Variants in ARVCF observed in about 807,000 individuals in gnomAD.
ARVCF encodes splicing regulator ARVCF.
In ARVCF, 66 loss-of-function variants were observed where a neutral mutation model predicts 90.9. The observed-to-expected ratio is 0.73, with a 90% CI of 0.60 to 0.89. ARVCF has a LOEUF of 0.89. Among genes scored for constraint, ARVCF ranks in the 40% least tolerant of loss-of-function variants. The pLI, the probability that ARVCF is intolerant of heterozygous loss-of-function variation, is 0.00. For synonymous variants in ARVCF, 653 were observed against 603.4 expected, an observed-to-expected ratio of 1.08 and a Z score of -1.21; for missense variants, 1,469 against 1,382.3, an observed-to-expected ratio of 1.06 and a Z score of -1.00.
At chr22:20,012,087 C>G (rs1474362109) in intron 1 of ARVCF, among the ~76,000 whole-genome samples, 14 of 143,406 alleles carry the variant, frequency 9.8e-5, no homozygotes, top group Non-Finnish European at 1.6e-4. Context: ...AGTCCCCCCC[C>G]CCCACCCAGT....
At chr22:19,972,699 GT>G in intron 16 of ARVCF, 37 bp downstream of exon 16, 7 of 1,558,342 alleles carry the variant, frequency 4.5e-6, no homozygotes, top group Non-Finnish European at 6.1e-6. Context: ...GGCAGCTGGG[GT>G]CGCCACCCTC....
In ARVCF at chr22:19,973,040, T is replaced by C. The variant is rs766933695; in HGVS notation, c.2439-4A>G. On this transcript the variant is annotated splice_polypyrimidine_tract_variant and splice_region_variant and intron_variant, in intron 14 of 19. Transcript: ENST00000263207. ...CTTCGCTTCGCGTACCGATTGGCTG[T>C]GGGGCCGGGGGCGGGGTCAGTGGTG... The C allele has an allele frequency of 3.1e-6, 5 of 1,611,702 alleles. No individual in the cohort carries two copies. Among genetic ancestry groups the C allele is most frequent in the Admixed American group, 1.7e-5 (1 of 59,968 alleles).
rs539819517 is a variant in ARVCF at position 20,001,264 on chromosome 22, CAT to C, written c.-19+9189_-19+9190del. Among the ~76,000 whole-genome samples, 612 of 152,328 alleles carry C rather than the reference CAT, an allele frequency of 4.0e-3. 5 individuals carry two copies. The highest frequency in any genetic ancestry group is 0.014 in the African/African-American group (581 of 41,566). ...GCAGGACCCCCTGCCTCTGATCCCACATGAGGTTCCTCTGAGACAGGTGGGAG... is the reference window on the plus strand; with the variant it reads ...GCAGGACCCCCTGCCTCTGATCCCACGAGGTTCCTCTGAGACAGGTGGGAG... On this transcript the variant is annotated intron_variant, in intron 2 of 19. Coordinates refer to ENST00000263207, the MANE Select transcript of ARVCF (RefSeq NM_001670.3).
intron 2 of ARVCF, among the ~76,000 whole-genome samples, chr22:20,007,777 C>A (rs1293376781): frequency 6.6e-6 from 1 of 152,244 alleles, no homozygotes; most frequent in Non-Finnish European, 1.5e-5. Context: ...CCAGATGTGG[C>A]CCCTCAATCC....
At chr22:19,974,359 T>C in intron 11 of ARVCF, 120 bp from the exon 12 acceptor site, 1 of 1,249,058 alleles carries the variant, frequency 8.0e-7, no homozygotes, top group Non-Finnish European at 1.1e-6. Flanking sequence ...GGGATGGGTG[T>C]GGATGAGTCA....
At chr22:19,974,657 G>A (rs1309565867) in intron 11 of ARVCF, among the ~76,000 whole-genome samples, 1 of 151,852 alleles carries the variant, frequency 6.6e-6, no homozygotes, top group Non-Finnish European at 1.5e-5. Context: ...TATAACCAAG[G>A]CCACACCCCT....
At chr22:19,996,086 G>C (rs1363752185) in intron 2 of ARVCF, among the ~76,000 whole-genome samples, 5 of 152,168 alleles carry the variant, frequency 3.3e-5, no homozygotes, top group Non-Finnish European at 5.9e-5. Flanking sequence ...CCCACTGGCC[G>C]GGCACTGTAC....
intron 3 of ARVCF, among the ~76,000 whole-genome samples, chr22:19,984,156 G>A (rs1241961885): frequency 1.3e-5 from 2 of 152,166 alleles, no homozygotes; most frequent in Non-Finnish European, 2.9e-5. Context: ...GTGGGATGTA[G>A]CCCCTCATAT....
chr22:19,994,438 G>A (rs1217933494), intron 2 of ARVCF, among the ~76,000 whole-genome samples: 2 of 125,522 alleles, frequency 1.6e-5, no homozygotes, highest in Non-Finnish European at 1.7e-5. Flanking sequence ...GGATAGTGGA[G>A]GAAGAACATA....
In ARVCF at chr22:19,980,261, C is replaced by T. The variant is rs373422659; in HGVS notation, c.897-19G>A. 1.4e-4 allele frequency: 206 copies of T among 1,499,374 alleles called. No individual in the cohort carries two copies. Among genetic ancestry groups the T allele is most frequent in the African/African-American group, 9.5e-4 (68 of 71,362 alleles). 92.9% of individuals were successfully genotyped at this position (1,499,374 alleles called of 1,614,324 possible). On this transcript the variant is annotated intron_variant, in intron 5 of 19. Transcript: ENST00000263207. The stretch of plus-strand genomic sequence containing the variant: ...GTAGGCCCTGCACAGGCAAGTGGGG[C>T]GCGTGGACATCGTCACAGCAGCCGC...
rs1944787491 is a variant in ARVCF at position 20,010,512 on chromosome 22, C to G, written c.-72-4G>C. The G allele has an allele frequency of 6.6e-6, 1 of 152,230 alleles. No individual in the cohort carries two copies. The highest frequency in any genetic ancestry group is 6.5e-5 in the Admixed American group (1 of 15,284). 9.4% of individuals were successfully genotyped at this position (152,230 alleles called of 1,614,324 possible). A position where few individuals can be genotyped will look rare whatever the true frequency, so the allele number is the denominator to read the frequency against. The stretch of plus-strand genomic sequence containing the variant: ...CCCACCCTGCAGGCTCTGGCTCCTG[C>G]AGGGAAACCAGAGGGCATGAGTGAG... On this transcript the variant is annotated splice_region_variant and splice_polypyrimidine_tract_variant and intron_variant, in intron 1 of 19. Transcript: ENST00000263207.
intron 2 of ARVCF, among the ~76,000 whole-genome samples, chr22:20,001,150 G>C (rs1282138424): frequency 2.0e-5 from 3 of 152,114 alleles, no homozygotes; most frequent in Non-Finnish European, 4.4e-5. Context: ...ATGCTAGGCA[G>C]ACTCCATTCC....
chr22:20,012,138 T>C (rs1439980525), intron 1 of ARVCF, among the ~76,000 whole-genome samples: 2 of 122,226 alleles, frequency 1.6e-5, no homozygotes, highest in Non-Finnish European at 3.2e-5. Context: ...TCCTTCCTCA[T>C]GGGCCTCCTA....
At chr22:20,006,412 C>T (rs1355448300) in intron 2 of ARVCF, among the ~76,000 whole-genome samples, 1 of 151,636 alleles carries the variant, frequency 6.6e-6, no homozygotes, top group Non-Finnish European at 1.5e-5. Context: ...CCCGTCTCTA[C>T]TAAAAGTACA....
In ARVCF at chr22:19,972,826, G is replaced by T; in HGVS notation, c.2552C>A (p.Ser851Ter). Reference protein sequence around the residue: ...KDGWTKARFQSAAATAKGPKG... With the variant: ...KDGWTKARFQ Reference sequence around the variant, plus strand: ...AGGCCCCTTGGCAGTAGCAGCAGCTGACTGAGACATAAAACACAGACACAG... The same window carrying T: ...AGGCCCCTTGGCAGTAGCAGCAGCTTACTGAGACATAAAACACAGACACAG... Residue 851 changes from serine (S) to a stop codon, truncating the protein, a stop_gained and splice_region_variant, in exon 16 of 20, where the codon TCA becomes TAA. Coordinates refer to ENST00000263207, the MANE Select transcript of ARVCF (RefSeq NM_001670.3). LOFTEE classifies it high-confidence loss of function. The T allele has an allele frequency of 6.2e-7, 1 of 1,613,624 alleles. No homozygotes were observed. The highest frequency in any genetic ancestry group is 1.1e-5 in the South Asian group (1 of 91,054).
chr22:19,984,591 C>T (rs1202554399), intron 3 of ARVCF, among the ~76,000 whole-genome samples: 1 of 152,180 alleles, frequency 6.6e-6, no homozygotes, highest in Non-Finnish European at 1.5e-5. Context: ...TATACATGAC[C>T]CCTCAGACAG....
intron 6 of ARVCF, 31 bp downstream of exon 6, chr22:19,979,712 G>T: frequency 6.4e-7 from 1 of 1,565,970 alleles, no homozygotes. Context: ...TCTCTTCCCA[G>T]GGGATGTGAG....
intron 17 of ARVCF, 89 bp downstream of exon 17, chr22:19,972,269 C>G: frequency 6.4e-7 from 1 of 1,554,102 alleles, no homozygotes. Context: ...CCACCCAGCA[C>G]CATCTACACC....
chr22:19,975,569 T>A, intron 11 of ARVCF, 117 bp downstream of exon 11: 1 of 1,134,326 alleles, frequency 8.8e-7, no homozygotes, highest in Non-Finnish European at 1.3e-6. Context: ...GGGGCCTGTT[T>A]CCCCATCTGT....
Sources: gnomAD v4.1 joint callset for allele counts (sites outside exome capture counted in the v4.1 genomes callset) on GRCh38, gnomAD v4.1.1 for gene constraint, MANE v1.5 for transcripts, NCBI Gene and HGNC (gene_info 2026-07-23, HGNC 2026-07-21) for gene names.